The following ATP2B2 variants were observed in gnomAD, a reference collection of about 807,000 sequenced individuals.
The protein encoded by ATP2B2 is ATPase plasma membrane Ca2+ transporting 2.
A neutral mutation model predicts 120.0 loss-of-function variants in ATP2B2; 15 were observed. The ratio of observed to expected loss-of-function variants is 0.12; its 90% CI spans 0.08 to 0.19. ATP2B2 has a LOEUF of 0.19. Among genes scored for constraint, ATP2B2 ranks in the 10% least tolerant of loss-of-function variants. ATP2B2 has a pLI of 1.00. For synonymous variants in ATP2B2, 694 were observed against 700.3 expected (o/e 0.99, Z 0.14); for missense variants, 1,045 against 1,719.8 (o/e 0.61, Z 6.94).
At chr3:10,575,721 C>T (rs2068229324) in intron 2 of ATP2B2, among the ~76,000 whole-genome samples, 1 of 152,186 alleles carries the variant, frequency 6.6e-6, no homozygotes, top group South Asian at 2.1e-4. Flanking sequence ...TTCCCCTGGG[C>T]TGCTGGCTGG....
chr3:10,536,675 C>T (rs1014441455), intron 2 of ATP2B2, among the ~76,000 whole-genome samples: 7 of 152,076 alleles, frequency 4.6e-5, no homozygotes, highest in African/African-American at 1.7e-4. Context: ...TACAAGTGTG[C>T]ACCACTATGC....
intron 2 of ATP2B2, among the ~76,000 whole-genome samples, chr3:10,427,856 C>G (rs1042147060): frequency 6.6e-6 from 1 of 152,214 alleles, no homozygotes; most frequent in Non-Finnish European, 1.5e-5. Flanking sequence ...TACCACATTG[C>G]TAACTGTTAT....
At chr3:10,626,209 A>T (rs1196875399) in intron 1 of ATP2B2, 5 of 152,210 alleles carry the variant, frequency 3.3e-5, no homozygotes, top group Non-Finnish European at 7.3e-5. Flanking sequence ...CAGAAGAGAG[A>T]GGCATTGCCC....
intron 1 of ATP2B2, among the ~76,000 whole-genome samples, chr3:10,637,635 C>T (rs1424211213): frequency 6.6e-6 from 1 of 152,176 alleles, no homozygotes; most frequent in Non-Finnish European, 1.5e-5. Context: ...AAAAGAGTAT[C>T]AGTGAGCTGT....
Position 10,328,077 on chromosome 3 carries a change from G to A in ATP2B2, c.*737C>T, listed in dbSNP as rs1168269354. On this transcript the variant is annotated 3_prime_UTR_variant, in exon 23 of 23. Coordinates refer to ENST00000360273, the MANE Select transcript of ATP2B2 (RefSeq NM_001001331.4). Reference sequence around the variant, plus strand: ...ATAGAGCAATTTAAGCGGAAACAAGGCAACATGCCGGCAAAGAAACTTTAT... The same window carrying A: ...ATAGAGCAATTTAAGCGGAAACAAGACAACATGCCGGCAAAGAAACTTTAT... The A allele has an allele frequency of 6.6e-6, 1 of 151,086 alleles. No individual in the cohort carries two copies. Among genetic ancestry groups the A allele is most frequent in the African/African-American group, 2.4e-5 (1 of 41,128 alleles). 9.4% of individuals were successfully genotyped at this position (151,086 alleles called of 1,614,324 possible).
chr3:10,569,662 C>A (rs575596218), intron 2 of ATP2B2, among the ~76,000 whole-genome samples: 2 of 152,090 alleles, frequency 1.3e-5, no homozygotes, highest in Non-Finnish European at 2.9e-5. Flanking sequence ...TAAGGTGTAC[C>A]GTTCAGAGCT....
At chr3:10,429,471 T>G (rs988043675) in intron 2 of ATP2B2, among the ~76,000 whole-genome samples, 1 of 152,236 alleles carries the variant, frequency 6.6e-6, no homozygotes, top group Non-Finnish European at 1.5e-5. Flanking sequence ...TGGTGATTTG[T>G]GATCTTTCAT....
chr3:10,653,547 G>A (rs1463733046), intron 1 of ATP2B2, among the ~76,000 whole-genome samples: 1 of 152,136 alleles, frequency 6.6e-6, no homozygotes, highest in Non-Finnish European at 1.5e-5. Context: ...TTTCCAGAAT[G>A]CTCCGCCAAA....
chr3:10,518,842 G>A (rs1426765105), intron 3 of ATP2B2, among the ~76,000 whole-genome samples: 2 of 152,198 alleles, frequency 1.3e-5, no homozygotes, highest in South Asian at 4.1e-4. Context: ...GTGGGGCAGG[G>A]ATTTTGTTCT....
At chr3:10,514,946 T>A (rs2066847657) in intron 3 of ATP2B2, among the ~76,000 whole-genome samples, 1 of 151,908 alleles carries the variant, frequency 6.6e-6, no homozygotes, top group African/African-American at 2.4e-5. Context: ...GCCGGGAGAG[T>A]GCTGACCTTG....
chr3:10,577,031 G>A (rs1055904070), intron 2 of ATP2B2, among the ~76,000 whole-genome samples: 16 of 143,276 alleles, frequency 1.1e-4, no homozygotes, highest in African/African-American at 2.7e-4. Flanking sequence ...CAGCCTGGGT[G>A]ACAGAGTGAG....
chr3:10,520,105 C>A (rs987875914), intron 3 of ATP2B2, among the ~76,000 whole-genome samples: 3 of 152,200 alleles, frequency 2.0e-5, no homozygotes, highest in African/African-American at 7.2e-5. Flanking sequence ...ACTCTATTCC[C>A]AACCTCAAAG....
At chr3:10,436,323 A>T (rs2063478810) in intron 2 of ATP2B2, among the ~76,000 whole-genome samples, 1 of 152,222 alleles carries the variant, frequency 6.6e-6, no homozygotes, top group African/African-American at 2.4e-5. Flanking sequence ...TCTAGTAGAC[A>T]GTCTATTGTA....
intron 2 of ATP2B2, among the ~76,000 whole-genome samples, chr3:10,596,713 T>A (rs2068772612): frequency 6.6e-6 from 1 of 152,232 alleles, no homozygotes; most frequent in Non-Finnish European, 1.5e-5. Context: ...GAACCAGGGT[T>A]TCCTGAAGAG....
chr3:10,418,661 C>A (rs1447837038), intron 2 of ATP2B2, among the ~76,000 whole-genome samples: 1 of 152,186 alleles, frequency 6.6e-6, no homozygotes, highest in East Asian at 1.9e-4. Flanking sequence ...CTGGTGAGAG[C>A]AGGAATACAC....
At chr3:10,632,871 T>C (rs1279518502) in intron 1 of ATP2B2, among the ~76,000 whole-genome samples, 1 of 152,240 alleles carries the variant, frequency 6.6e-6, no homozygotes, top group Non-Finnish European at 1.5e-5. Context: ...TGCTTATCCC[T>C]GTTCCCCTGG....
At chr3:10,348,556 T>C (rs1366423870) in intron 16 of ATP2B2, among the ~76,000 whole-genome samples, 1 of 152,222 alleles carries the variant, frequency 6.6e-6, no homozygotes, top group African/African-American at 2.4e-5. Flanking sequence ...CCCGAGGTCC[T>C]GGCCCAGATC....
intron 2 of ATP2B2, among the ~76,000 whole-genome samples, chr3:10,442,699 C>T (rs2063709727): frequency 6.6e-6 from 1 of 152,086 alleles, no homozygotes; most frequent in Admixed American, 6.5e-5. Flanking sequence ...ACATGCATTG[C>T]TCAAGCCCAT....
chr3:10,502,043 G>A (rs1211333679), intron 1 of ATP2B2, among the ~76,000 whole-genome samples: 2 of 152,194 alleles, frequency 1.3e-5, no homozygotes, highest in South Asian at 4.1e-4. Context: ...GGCTGGGCAG[G>A]GGGAAGGCAG....
Sources: allele counts gnomAD v4.1 joint callset (sites outside exome capture counted in the v4.1 genomes callset), GRCh38; gene constraint gnomAD v4.1.1; transcripts MANE v1.5; gene names NCBI Gene and HGNC (gene_info 2026-07-23, HGNC 2026-07-21).